Variants in CCDC60 observed in about 807,000 individuals in gnomAD.
CCDC60 encodes coiled-coil domain-containing protein 60.
In CCDC60, 54 loss-of-function variants were observed where a neutral mutation model predicts 63.5. The ratio of observed to expected loss-of-function variants is 0.85; its 90% confidence interval spans 0.68 to 1.07. CCDC60 has a LOEUF of 1.07. Among genes scored for constraint, CCDC60 ranks in the 50% least tolerant of loss-of-function variants. The probability of loss-of-function intolerance (pLI) is 0.00; values close to 1 mark genes in which losing one functional copy is unlikely to be tolerated. For synonymous variants in CCDC60, 206 were observed against 238.8 expected (o/e 0.86, Z 1.27); for missense variants, 651 against 684.3 (o/e 0.95, Z 0.54).
intron 1 of CCDC60, among the ~76,000 whole-genome samples, chr12:119,362,154 A>G (rs1172394197): frequency 1.3e-5 from 2 of 152,182 alleles, no homozygotes; most frequent in Non-Finnish European, 2.9e-5. Context: ...ACCTACTTGT[A>G]TGTATTTATA....
intron 2 of CCDC60, among the ~76,000 whole-genome samples, chr12:119,443,076 C>G (rs1829146575): frequency 6.6e-6 from 1 of 152,234 alleles, no homozygotes; most frequent in African/African-American, 2.4e-5. Flanking sequence ...GCCACACAGA[C>G]AGTGCCAACG....
chr12:119,391,263 G>A (rs980426011), intron 1 of CCDC60, among the ~76,000 whole-genome samples: 3 of 152,174 alleles, frequency 2.0e-5, no homozygotes, highest in Non-Finnish European at 2.9e-5. Context: ...ATGTGTCTAT[G>A]TGTATGTGTG....
intron 2 of CCDC60, among the ~76,000 whole-genome samples, chr12:119,469,351 C>T (rs1332880036): frequency 6.6e-6 from 1 of 152,178 alleles, no homozygotes; most frequent in Non-Finnish European, 1.5e-5. Flanking sequence ...GCAAACTCCG[C>T]CTCCCGGGTT....
chr12:119,484,401 C>T (rs1951391428), intron 4 of CCDC60, among the ~76,000 whole-genome samples: 2 of 152,092 alleles, frequency 1.3e-5, no homozygotes, highest in Non-Finnish European at 2.9e-5. Flanking sequence ...TCTTTATTAT[C>T]TCAATGGTTC....
At chr12:119,468,311 A>T (rs1442515454) in intron 2 of CCDC60, among the ~76,000 whole-genome samples, 2 of 152,066 alleles carry the variant, frequency 1.3e-5, no homozygotes, top group African/African-American at 4.8e-5. Flanking sequence ...AAATTTTTTA[A>T]AAAAAAGCCA....
At chr12:119,425,003 T>C (rs193040624) in intron 1 of CCDC60, among the ~76,000 whole-genome samples, 22 of 134,562 alleles carry the variant, frequency 1.6e-4, no homozygotes, top group Admixed American at 3.8e-4. Context: ...GCAGCTATCA[T>C]TAGGTGACAT....
At chr12:119,380,037 G>A (rs548597934) in intron 1 of CCDC60, among the ~76,000 whole-genome samples, 1 of 152,290 alleles carries the variant, frequency 6.6e-6, no homozygotes, top group African/African-American at 2.4e-5. Context: ...TCTGAAATGG[G>A]CACAAATGGA....
chr12:119,346,831 T>TCTTTC (rs1565964762), intron 1 of CCDC60, among the ~76,000 whole-genome samples: 3 of 111,560 alleles, frequency 2.7e-5, no homozygotes, highest in Admixed American at 9.0e-5. Context: ...TTTCTTTCTT[T>TCTTTC]CTTTTTTTTT....
chr12:119,430,173 T>TACAC (rs36071467), intron 2 of CCDC60, among the ~76,000 whole-genome samples: 9 of 149,728 alleles, frequency 6.0e-5, no homozygotes, highest in South Asian at 2.1e-4. Context: ...CTGCCACACA[T>TACAC]ACACACACAC....
rs75931970 is a variant in CCDC60, at chr12:119,410,006, A to G, written c.91-18677A>G. On this transcript the variant is annotated intron_variant, in intron 1 of 13. Coordinates refer to ENST00000327554, the MANE Select transcript of CCDC60 (RefSeq NM_178499.5). This position sits in a 1 kb window ranked among gnomAD's most constrained non-coding sequence, Gnocchi z 4.0. The stretch of plus-strand genomic sequence containing the variant: ...CCTCTTAGCCACCACTCTTGTTCCC[A>G]GATTCAGCTCCAAAGACTCAAGAGT... Among the ~76,000 whole-genome samples the G allele has an allele frequency of 0.012, 1,832 of 152,230 alleles. 44 individuals carry two copies. Among genetic ancestry groups the G allele is most frequent in the African/African-American group, 0.041 (1,722 of 41,522 alleles).
intron 1 of CCDC60, among the ~76,000 whole-genome samples, chr12:119,423,570 T>C (rs937353137): frequency 1.3e-5 from 2 of 152,236 alleles, no homozygotes; most frequent in Non-Finnish European, 2.9e-5. Context: ...ATTCGGCTTA[T>C]GGTGGCACCT....
At chr12:119,485,694 A>G (rs1238841442) in intron 4 of CCDC60, among the ~76,000 whole-genome samples, 1 of 152,188 alleles carries the variant, frequency 6.6e-6, no homozygotes, top group Non-Finnish European at 1.5e-5. Flanking sequence ...GGCTTCATTT[A>G]TAAGTGAATC....
chr12:119,351,659 C>T (rs911912693), intron 1 of CCDC60, among the ~76,000 whole-genome samples: 1 of 152,226 alleles, frequency 6.6e-6, no homozygotes, highest in Non-Finnish European at 1.5e-5. Context: ...CTAAACCATT[C>T]ATGAAAGAAC....
intron 5 of CCDC60, among the ~76,000 whole-genome samples, chr12:119,496,783 G>A (rs1391498650): frequency 1.3e-5 from 2 of 152,176 alleles, no homozygotes; most frequent in East Asian, 1.9e-4. Context: ...CAGAGGACTC[G>A]AACAGCTGGT....
intron 2 of CCDC60, among the ~76,000 whole-genome samples, chr12:119,454,715 C>T (rs1566018509): frequency 6.6e-6 from 1 of 152,216 alleles, no homozygotes; most frequent in Non-Finnish European, 1.5e-5. Flanking sequence ...TCTCTTGGAA[C>T]TGTATTCTGC....
chr12:119,447,473 G>T (rs1018341475), intron 2 of CCDC60, among the ~76,000 whole-genome samples: 3 of 152,144 alleles, frequency 2.0e-5, no homozygotes, highest in African/African-American at 7.2e-5. Context: ...TCTGTTGTTT[G>T]TCCTGAAATT....
intron 1 of CCDC60, among the ~76,000 whole-genome samples, chr12:119,341,227 GCAGGGAAGGAGTGTGTTCATTAC>G (rs1192546900): frequency 6.6e-6 from 1 of 152,208 alleles, no homozygotes; most frequent in African/African-American, 2.4e-5. Flanking sequence ...AAATCAGGAT[GCAGGGAAGGAGTGTGTTCATTAC>G]CTCCTGACAC....
Position 119,514,342 on chromosome 12 carries a change from ATTT to A in CCDC60, c.884-2266_884-2264del, listed in dbSNP as rs34264020. 4.8e-3 allele frequency among the ~76,000 whole-genome samples: 605 copies of A among 127,338 alleles called. 7 individuals carry two copies. Among genetic ancestry groups the A allele is most frequent in the African/African-American group, 0.017 (566 of 33,840 alleles). 83.5% of individuals were successfully genotyped at this position (127,338 alleles called of 152,430 possible). On this transcript the variant is annotated intron_variant, in intron 7 of 13. Coordinates refer to ENST00000327554, the MANE Select transcript of CCDC60 (RefSeq NM_178499.5). ...CAGGCACCTGCCACCACATCTGGCT[ATTT>A]TTTTTTTTTTTTTTGTATTTTTAGT...
At chr12:119,339,785 G>A (rs1261375505) in intron 1 of CCDC60, among the ~76,000 whole-genome samples, 3 of 152,228 alleles carry the variant, frequency 2.0e-5, no homozygotes, top group Non-Finnish European at 4.4e-5. Context: ...TCCAGCCGGG[G>A]TGACAGAGCG....
Sources: allele counts gnomAD v4.1 joint callset (sites outside exome capture counted in the v4.1 genomes callset), GRCh38; gene constraint gnomAD v4.1.1; non-coding constraint Gnocchi (gnomAD v3.1); transcripts MANE v1.5; gene names NCBI Gene and HGNC (gene_info 2026-07-23, HGNC 2026-07-21).